HACL1: variants seen among roughly 807,000 people sequenced by gnomAD.
The protein encoded by HACL1 is 2-hydroxyacyl-CoA lyase 1, also known as 1600020H07Rik.
In HACL1, 64 loss-of-function variants were observed where a neutral mutation model predicts 74.2. That is an observed-to-expected ratio of 0.86 (90% CI 0.70 to 1.06). The LOEUF is 1.06. HACL1 is among the 50% of genes least tolerant of loss of function. The probability of loss-of-function intolerance (pLI) is 0.00; values close to 1 mark genes in which losing one functional copy is unlikely to be tolerated. For synonymous variants in HACL1, 230 were observed against 238.8 expected, an observed-to-expected ratio of 0.96 and a Z score of 0.34; for missense variants, 728 against 719.7, an observed-to-expected ratio of 1.01 and a Z score of -0.13.
intron 2 of HACL1, among the ~76,000 whole-genome samples, chr3:15,600,097 C>T (rs868730163): frequency 1.2e-4 from 18 of 152,190 alleles, no homozygotes; most frequent in African/African-American, 3.6e-4. Context: ...TAAAGAATGT[C>T]ATTCAATAAA....
chr3:15,573,360 T>C (rs1297142725), intron 10 of HACL1, 118 bp from the exon 11 acceptor site: 2 of 627,820 alleles, frequency 3.2e-6, no homozygotes, highest in African/African-American at 1.9e-5. Context: ...GAAGATTTGA[T>C]ATTCAGAAGT....
chr3:15,584,465 G>T (rs1376247683), intron 7 of HACL1, among the ~76,000 whole-genome samples: 1 of 152,138 alleles, frequency 6.6e-6, no homozygotes. Context: ...GCGGGCGCCT[G>T]TAATCCCAGC....
intron 15 of HACL1, among the ~76,000 whole-genome samples, chr3:15,564,154 C>G (rs1434753449): frequency 6.6e-6 from 1 of 152,194 alleles, no homozygotes; most frequent in African/African-American, 2.4e-5. Flanking sequence ...ATCAGATGAT[C>G]AAGATTTAGC....
intron 11 of HACL1, among the ~76,000 whole-genome samples, chr3:15,572,288 C>T (rs965766153): frequency 6.6e-6 from 1 of 152,132 alleles, no homozygotes; most frequent in African/African-American, 2.4e-5. Context: ...ACATGGAAGG[C>T]TTTTGTTTGG....
rs1559570005 is a variant in HACL1 at position 15,601,539 on chromosome 3, GGCAGCACGCCACC to G, written c.-89_-77del. 6.2e-7 allele frequency: 1 copy of G among 1,605,588 alleles called. No individual in the cohort carries two copies. The highest frequency in any genetic ancestry group is 2.2e-5 in the East Asian group (1 of 44,862). ...CATCCAGCAAGGCAAACGCGAAATC[GGCAGCACGCCACC>G]TCTGGTACTGCACCTCTGACGGACA... is the stretch of plus-strand genomic sequence containing the variant. On this transcript the variant is annotated 5_prime_UTR_variant, in exon 1 of 17. Coordinates refer to ENST00000321169, the MANE Select transcript of HACL1 (RefSeq NM_012260.4).
chr3:15,585,292 T>C lies in HACL1; in HGVS notation c.510A>G (p.Ile170Met), dbSNP rs2063774664. ...YGRPGACYVD[I>M]PADFVNLQVN... is the part of the protein sequence containing the mutation. ...CCTGAAGGTTCACAAAATCTGCTGG[T>C]ATGTCAACATAGCAAGCACCTGGAC... is the stretch of plus-strand genomic sequence containing the variant. The change falls in exon 7 of 17, where the codon ATA (isoleucine) becomes ATG (methionine). Residue 170 changes from isoleucine to methionine, a missense_variant. By Grantham distance (10) the Ile-to-Met change is conservative (BLOSUM62 1). Transcript: ENST00000321169. The C allele has an allele frequency of 1.9e-6, 3 of 1,604,598 alleles. No individual in the cohort carries two copies. The highest frequency in any genetic ancestry group is 8.5e-7 in the Non-Finnish European group (1 of 1,171,330).
At chr3:15,581,131 A>C (rs934585768) in intron 8 of HACL1, among the ~76,000 whole-genome samples, 16 of 152,142 alleles carry the variant, frequency 1.1e-4, no homozygotes, top group African/African-American at 3.9e-4. Context: ...CGAACTCCTG[A>C]CCTTAGGTGA....
chr3:15,563,306 G>C (rs1574903520), intron 16 of HACL1, 52 bp downstream of exon 16: 13 of 1,213,298 alleles, frequency 1.1e-5, no homozygotes, highest in Non-Finnish European at 1.3e-5. Flanking sequence ...TTTTGGAGGG[G>C]GATAGGGGAA....
chr3:15,592,089 C>T (rs918043169), intron 3 of HACL1, among the ~76,000 whole-genome samples: 20 of 132,738 alleles, frequency 1.5e-4, no homozygotes, highest in African/African-American at 5.6e-4. Context: ...CGTATATATA[C>T]ACACACTATA....
intron 15 of HACL1, 84 bp from the exon 16 acceptor site, chr3:15,563,628 A>C (rs774488253): frequency 1.1e-5 from 9 of 832,180 alleles, no homozygotes; most frequent in Non-Finnish European, 1.7e-5. Context: ...CTTCATTAAA[A>C]AAATTTCAGC....
chr3:15,582,598 T>C (rs989873672), intron 8 of HACL1, among the ~76,000 whole-genome samples: 1 of 152,184 alleles, frequency 6.6e-6, no homozygotes, highest in Admixed American at 6.5e-5. Flanking sequence ...TGAAGGAACT[T>C]CTACTTTTCT....
intron 9 of HACL1, among the ~76,000 whole-genome samples, chr3:15,575,731 G>A (rs934507086): frequency 6.6e-5 from 10 of 151,860 alleles, no homozygotes; most frequent in Non-Finnish European, 1.5e-4. Context: ...TGTAGAGATG[G>A]GGTTTTGCCA....
intron 10 of HACL1, among the ~76,000 whole-genome samples, chr3:15,574,372 A>G (rs1312463559): frequency 6.6e-6 from 1 of 152,158 alleles, no homozygotes; most frequent in Non-Finnish European, 1.5e-5. Flanking sequence ...CTGTCTCAAA[A>G]ACAACCAAGC....
Position 15,601,404 on chromosome 3 carries a change from G to A in HACL1, c.60C>T (p.Ile20=), listed in dbSNP as rs1299766391. 1 of 1,614,070 alleles carries A rather than the reference G, an allele frequency of 6.2e-7. No homozygotes were observed. Among genetic ancestry groups the A allele is most frequent in the African/African-American group, 1.3e-5 (1 of 75,072 alleles). The change falls in exon 1 of 17, where the codon ATC becomes ATT. Residue 20 remains isoleucine (I), a synonymous_variant. Transcript: ENST00000321169. ...SEEQVSGAKV[I]AQALKTQDVE... is the part of the protein sequence containing the mutation. ...GTACTTGCGTTTTCAGGGCCTGAGCGATGACTTTAGCACCAGACACCTGCT... is the reference window on the plus strand; with the variant it reads ...GTACTTGCGTTTTCAGGGCCTGAGCAATGACTTTAGCACCAGACACCTGCT...
At chr3:15,586,643 T>C in intron 5 of HACL1, 41 bp from the exon 6 acceptor site, 1 of 1,073,608 alleles carries the variant, frequency 9.3e-7, no homozygotes, top group East Asian at 2.4e-5. Context: ...CAGCTCACAA[T>C]CATGTTACTC....
At chr3:15,574,114 T>C (rs2063581566) in intron 10 of HACL1, among the ~76,000 whole-genome samples, 1 of 152,166 alleles carries the variant, frequency 6.6e-6, no homozygotes, top group African/African-American at 2.4e-5. Flanking sequence ...GTCTGTAATC[T>C]GGCATTTTGG....
chr3:15,593,928 G>A (rs564354306), intron 3 of HACL1, among the ~76,000 whole-genome samples: 1 of 151,498 alleles, frequency 6.6e-6, no homozygotes, highest in Admixed American at 6.6e-5. Flanking sequence ...CTCCCAAGTA[G>A]CTGGGATTAC....
intron 2 of HACL1, among the ~76,000 whole-genome samples, chr3:15,600,075 AAT>A (rs2064164031): frequency 6.6e-6 from 1 of 151,066 alleles, no homozygotes; most frequent in Non-Finnish European, 1.5e-5. Context: ...GTAGATAAAG[AAT>A]GTCATTCAAT....
chr3:15,579,046 TG>T, intron 9 of HACL1, among the ~76,000 whole-genome samples: 1 of 152,366 alleles, frequency 6.6e-6, no homozygotes, highest in South Asian at 2.1e-4. Flanking sequence ...GAAGTGACCC[TG>T]GAACTACTTA....
Sources: gnomAD v4.1 joint callset for allele counts (sites outside exome capture counted in the v4.1 genomes callset) on GRCh38, gnomAD v4.1.1 for gene constraint, MANE v1.5 for transcripts, NCBI Gene and HGNC (gene_info 2026-07-23, HGNC 2026-07-21) for gene names.